Variants in FANCF observed in about 807,000 individuals in gnomAD.
The protein encoded by FANCF is FA complementation group F, also known as Fanconi anemia group F protein.
For missense variants in FANCF, 552 were observed against 481.8 expected, an observed-to-expected ratio of 1.15 and a Z score of -1.36; for synonymous variants, 257 against 205.9, an observed-to-expected ratio of 1.25 and a Z score of -2.13.
Position 22,623,523 on chromosome 11 carries a change from AC to A in FANCF, c.*1162del, listed in dbSNP as rs1262418464. ...TAAACTAACACAACTAGGTTCCTAC[AC>A]ACAAAACAAATATTCTAAACTGTTT... is the stretch of plus-strand genomic sequence containing the variant. On this transcript the variant is annotated 3_prime_UTR_variant, in exon 1 of 1. Transcript: ENST00000327470. 1 of 196,934 alleles carries A rather than the reference AC, an allele frequency of 5.1e-6. No individual in the cohort carries two copies. The highest frequency in any genetic ancestry group is 1.1e-5 in the Non-Finnish European group (1 of 94,988). 12.2% of individuals were successfully genotyped at this position (196,934 alleles called of 1,614,324 possible). A position where few individuals can be genotyped will look rare whatever the true frequency, so the allele number is the denominator to read the frequency against.
At position 22,623,205 on chromosome 11, in the gene FANCF, A is replaced by T. The variant is rs1324337723; in HGVS notation, c.*1481T>A. ...AAGATTTATCTAGAAAAGTGTACTG[A>T]CTACTGGAATAATAGTTTACCCCTG... On this transcript the variant is annotated 3_prime_UTR_variant, in exon 1 of 1. Transcript: ENST00000327470. 4.7e-6 allele frequency: 1 copy of T among 213,846 alleles called. No individual in the cohort carries two copies. 13.2% of individuals were successfully genotyped at this position (213,846 alleles called of 1,614,324 possible). A position where few individuals can be genotyped will look rare whatever the true frequency, so the allele number is the denominator to read the frequency against.
At position 22,624,677 on chromosome 11, in the gene FANCF, C is replaced by T. The variant is rs763112358; in HGVS notation, c.*9G>A. 1.1e-5 allele frequency: 17 copies of T among 1,612,758 alleles called. No homozygotes were observed. The African/African-American group carries it at 1.9e-4, about 18-fold the overall frequency. Reference sequence around the variant, plus strand: ...TATATTCTATATTCAAGTAATAACACAGCATTGCCTATACAGAACTGAGGC... The same window carrying T: ...TATATTCTATATTCAAGTAATAACATAGCATTGCCTATACAGAACTGAGGC... On this transcript the variant is annotated 3_prime_UTR_variant, in exon 1 of 1. Transcript: ENST00000327470.
chr11:22,622,716 C>T lies in FANCF; in HGVS notation c.*1970G>A. 5.2e-6 allele frequency: 1 copy of T among 192,486 alleles called. No individual in the cohort carries two copies. Among genetic ancestry groups the T allele is most frequent in the African/African-American group, 2.3e-5 (1 of 43,240 alleles). The allele number at this position is 192,486 out of a possible 1,614,324, so 11.9% of individuals were successfully genotyped here. ...AAATGACAGATACGGCTTCCACTTT[C>T]ATGTTGCTTTTGTTTATACCCTTGG... On this transcript the variant is annotated 3_prime_UTR_variant, in exon 1 of 1. Coordinates refer to ENST00000327470, the MANE Select transcript of FANCF (RefSeq NM_022725.4).
Position 22,622,862 on chromosome 11 carries a change from T to C in FANCF, c.*1824A>G, listed in dbSNP as rs1280983307. 5.2e-6 allele frequency: 1 copy of C among 191,532 alleles called. No individual in the cohort carries two copies. Among genetic ancestry groups the C allele is most frequent in the African/African-American group, 2.3e-5 (1 of 43,088 alleles). 11.9% of individuals were successfully genotyped at this position (191,532 alleles called of 1,614,324 possible). A position where few individuals can be genotyped will look rare whatever the true frequency, so the allele number is the denominator to read the frequency against. The stretch of plus-strand genomic sequence containing the variant: ...AAATAACAGAATAATAAATGGTAAG[T>C]ATAAAATAGATTTTAAAATGTTATT... On this transcript the variant is annotated 3_prime_UTR_variant, in exon 1 of 1. Coordinates refer to ENST00000327470, the MANE Select transcript of FANCF (RefSeq NM_022725.4).
In FANCF at chr11:22,624,861, G is replaced by C. The variant is rs1173627967; in HGVS notation, c.950C>G (p.Ala317Gly). 6.2e-7 allele frequency: 1 copy of C among 1,614,116 alleles called. No homozygotes were observed. Among genetic ancestry groups the C allele is most frequent in the African/African-American group, 1.3e-5 (1 of 75,022 alleles). Residue 317 changes from alanine to glycine, a missense_variant, in exon 1 of 1, where the codon GCC becomes GGC. Transcript: ENST00000327470. ...AACTTTATCTTTCAGAGGTGGAGGG[G>C]CCTGACAGAGGCTTTGAAACCTATT... ...LHNRFQSLCQ[A>G]PPPLKDKVLT...
rs760571335 is a variant in FANCF, at chr11:22,625,510, G to A, written c.301C>T (p.Arg101Trp). The A allele has an allele frequency of 6.2e-7, 1 of 1,614,194 alleles. No homozygotes were observed. The highest frequency in any genetic ancestry group is 8.5e-7 in the Non-Finnish European group (1 of 1,180,032). Residue 101 changes from arginine to tryptophan, a missense_variant, in exon 1 of 1, where the codon CGG becomes TGG. Arg to Trp is a moderately radical substitution (Grantham distance 101). Coordinates refer to ENST00000327470, the MANE Select transcript of FANCF (RefSeq NM_022725.4). Reference protein sequence around the residue: ...VLLSLRLLENRALGDAARYHL... With the variant: ...VLLSLRLLENWALGDAARYHL... ...TAACGAGCTGCATCCCCGAGGGCCC[G>A]GTTCTCCAGCAGGCGCAGAGAGAGC... is the stretch of plus-strand genomic sequence containing the variant.
chr11:22,625,151 T>C lies in FANCF; in HGVS notation c.660A>G (p.Glu220=), dbSNP rs1228356098. 12 of 1,608,084 alleles carry C rather than the reference T, an allele frequency of 7.5e-6. No individual in the cohort carries two copies. Among genetic ancestry groups the C allele is most frequent in the Non-Finnish European group, 1.0e-5 (12 of 1,176,584 alleles). Reference sequence around the variant, plus strand: ...ATTTGTGGATGCCGGGTTCCAACTCTTCTTGGGGCCGACGAGACAAAGGCG... The same window carrying C: ...ATTTGTGGATGCCGGGTTCCAACTCCTCTTGGGGCCGACGAGACAAAGGCG... ...LQPPLSRRPQ[E]ELEPGIHKSP... Residue 220 remains glutamate (E), a synonymous_variant, in exon 1 of 1, where the codon GAA becomes GAG. Coordinates refer to ENST00000327470, the MANE Select transcript of FANCF (RefSeq NM_022725.4).
chr11:22,622,771 C>A lies in FANCF; in HGVS notation c.*1915G>T. 5.2e-6 allele frequency: 1 copy of A among 191,822 alleles called. No homozygotes were observed. Among genetic ancestry groups the A allele is most frequent in the Non-Finnish European group, 1.1e-5 (1 of 91,822 alleles). The allele number at this position is 191,822 out of a possible 1,614,324, so 11.9% of individuals were successfully genotyped here. On this transcript the variant is annotated 3_prime_UTR_variant, in exon 1 of 1. Transcript: ENST00000327470. ...TTTACTTAATCTTTTAGCGTATATTCATAAGAATACAGTTTTGGTGTGAAG... is the reference window on the plus strand; with the variant it reads ...TTTACTTAATCTTTTAGCGTATATTAATAAGAATACAGTTTTGGTGTGAAG...
Position 22,623,399 on chromosome 11 carries a change from A to G in FANCF, c.*1287T>C, listed in dbSNP as rs1208540655. On this transcript the variant is annotated 3_prime_UTR_variant, in exon 1 of 1. Transcript: ENST00000327470. ...CCAGCTAACCTGGATATGGACAAAA[A>G]TATCTTGATTGCTGTAAAGGTCTAT... 5.0e-6 allele frequency: 1 copy of G among 201,702 alleles called. No homozygotes were observed. Among genetic ancestry groups the G allele is most frequent in the Non-Finnish European group, 1.0e-5 (1 of 98,138 alleles). The allele number at this position is 201,702 out of a possible 1,614,324, so 12.5% of individuals were successfully genotyped here.
rs1486533555 is a variant in FANCF, at chr11:22,624,462, C to T, written c.*224G>A. On this transcript the variant is annotated 3_prime_UTR_variant, in exon 1 of 1. Coordinates refer to ENST00000327470, the MANE Select transcript of FANCF (RefSeq NM_022725.4). ...ATTAAAAAGCAAACTATTGCTAATT[C>T]CATGGCTTTAAGTGGAGTACTTCCA... 2 of 568,936 alleles carry T rather than the reference C, an allele frequency of 3.5e-6. No individual in the cohort carries two copies. The highest frequency in any genetic ancestry group is 6.2e-6 in the Non-Finnish European group (2 of 321,038). 35.2% of individuals were successfully genotyped at this position (568,936 alleles called of 1,614,324 possible).
Position 22,622,767 on chromosome 11 carries a change from T to C in FANCF, c.*1919A>G. 1 of 192,476 alleles carries C rather than the reference T, an allele frequency of 5.2e-6. No homozygotes were observed. The highest frequency in any genetic ancestry group is 1.1e-5 in the Non-Finnish European group (1 of 92,106). 11.9% of individuals were successfully genotyped at this position (192,476 alleles called of 1,614,324 possible). On this transcript the variant is annotated 3_prime_UTR_variant, in exon 1 of 1. Transcript: ENST00000327470. ...GCATTTTACTTAATCTTTTAGCGTA[T>C]ATTCATAAGAATACAGTTTTGGTGT...
chr11:22,623,348 T>C lies in FANCF; in HGVS notation c.*1338A>G, dbSNP rs1032047454. 73 of 51,750 alleles carry C rather than the reference T, an allele frequency of 1.4e-3. No individual in the cohort carries two copies. In the African/African-American group the frequency reaches 0.024, roughly 17 times the overall value. 3.2% of individuals were successfully genotyped at this position (51,750 alleles called of 1,614,324 possible). A position where few individuals can be genotyped will look rare whatever the true frequency, so the allele number is the denominator to read the frequency against. On this transcript the variant is annotated 3_prime_UTR_variant, in exon 1 of 1. Coordinates refer to ENST00000327470, the MANE Select transcript of FANCF (RefSeq NM_022725.4). Reference sequence around the variant, plus strand: ...TTAGAAATTAACTTTCTAAATATCATTTTTTTCTCCAAAAAAATCCTCTTA... The same window carrying C: ...TTAGAAATTAACTTTCTAAATATCACTTTTTTCTCCAAAAAAATCCTCTTA...
In FANCF at chr11:22,622,746, T is replaced by G. The variant is rs1375740563; in HGVS notation, c.*1940A>C. On this transcript the variant is annotated 3_prime_UTR_variant, in exon 1 of 1. Coordinates refer to ENST00000327470, the MANE Select transcript of FANCF (RefSeq NM_022725.4). The stretch of plus-strand genomic sequence containing the variant: ...TGCTTTTGTTTATACCCTTGGGCAT[T>G]TTACTTAATCTTTTAGCGTATATTC... The G allele has an allele frequency of 5.2e-6, 1 of 192,874 alleles. No individual in the cohort carries two copies. Among genetic ancestry groups the G allele is most frequent in the Non-Finnish European group, 1.1e-5 (1 of 92,458 alleles). The allele number at this position is 192,874 out of a possible 1,614,324, so 11.9% of individuals were successfully genotyped here. A position where few individuals can be genotyped will look rare whatever the true frequency, so the allele number is the denominator to read the frequency against.
In FANCF at chr11:22,623,691, C is replaced by T. The variant is rs1417868811; in HGVS notation, c.*995G>A. ...GCAGAAGCTGCACTAAAACCTGGAT[C>T]TTCTACTTAAAATGTTGTTTTGGCC... On this transcript the variant is annotated 3_prime_UTR_variant, in exon 1 of 1. Coordinates refer to ENST00000327470, the MANE Select transcript of FANCF (RefSeq NM_022725.4). 1 of 185,616 alleles carries T rather than the reference C, an allele frequency of 5.4e-6. No homozygotes were observed. Among genetic ancestry groups the T allele is most frequent in the African/African-American group, 2.3e-5 (1 of 42,684 alleles). 11.5% of individuals were successfully genotyped at this position (185,616 alleles called of 1,614,324 possible).
rs1347164607 is a variant in FANCF, at chr11:22,622,884, T to A, written c.*1802A>T. 5.2e-6 allele frequency: 1 copy of A among 192,970 alleles called. No individual in the cohort carries two copies. Among genetic ancestry groups the A allele is most frequent in the Non-Finnish European group, 1.1e-5 (1 of 92,550 alleles). The allele number at this position is 192,970 out of a possible 1,614,324, so 12.0% of individuals were successfully genotyped here. A position where few individuals can be genotyped will look rare whatever the true frequency, so the allele number is the denominator to read the frequency against. ...AAGTATAAAATAGATTTTAAAATGT[T>A]ATTTCTTAAGTCTATTGTCAATCTT... On this transcript the variant is annotated 3_prime_UTR_variant, in exon 1 of 1. Coordinates refer to ENST00000327470, the MANE Select transcript of FANCF (RefSeq NM_022725.4).
Position 22,625,609 on chromosome 11 carries a change from G to C in FANCF, c.202C>G (p.Gln68Glu), listed in dbSNP as rs762741561. The change falls in exon 1 of 1, where the codon CAA becomes GAA. Residue 68 changes from glutamine to glutamate, a missense_variant. By Grantham distance (29) the Gln-to-Glu change is conservative (BLOSUM62 2). Coordinates refer to ENST00000327470, the MANE Select transcript of FANCF (RefSeq NM_022725.4). ...GGACCCCGCCCAAAGCCGCCCTCTT[G>C]CCTCCACTGGTTGTGCAGCCGCCGC... The part of the protein sequence containing the change: ...LERRLHNQWR[Q>E]EGGFGRGPVP... The C allele has an allele frequency of 6.2e-7, 1 of 1,613,726 alleles. No individual in the cohort carries two copies. Among genetic ancestry groups the C allele is most frequent in the Non-Finnish European group, 8.5e-7 (1 of 1,179,962 alleles).
At position 22,624,500 on chromosome 11, in the gene FANCF, A is replaced by C. The variant is rs45473997; in HGVS notation, c.*186T>G. Reference sequence around the variant, plus strand: ...TGGAGTACTTCCAATCACTTCCTCTATCCAGAAAATCCGTGACACTACATG... The same window carrying C: ...TGGAGTACTTCCAATCACTTCCTCTCTCCAGAAAATCCGTGACACTACATG... On this transcript the variant is annotated 3_prime_UTR_variant, in exon 1 of 1. Coordinates refer to ENST00000327470, the MANE Select transcript of FANCF (RefSeq NM_022725.4). The C allele has an allele frequency of 3.3e-3, 2,079 of 624,316 alleles. 42 individuals carry two copies. In the African/African-American group the frequency reaches 0.034, roughly 10 times the overall value. The allele number at this position is 624,316 out of a possible 1,614,324, so 38.7% of individuals were successfully genotyped here. A position where few individuals can be genotyped will look rare whatever the true frequency, so the allele number is the denominator to read the frequency against.
chr11:22,623,019 A>G lies in FANCF; in HGVS notation c.*1667T>C, dbSNP rs1208988223. 4.9e-6 allele frequency: 1 copy of G among 205,084 alleles called. No homozygotes were observed. Among genetic ancestry groups the G allele is most frequent in the Non-Finnish European group, 1.0e-5 (1 of 100,208 alleles). The allele number at this position is 205,084 out of a possible 1,614,324, so 12.7% of individuals were successfully genotyped here. On this transcript the variant is annotated 3_prime_UTR_variant, in exon 1 of 1. Coordinates refer to ENST00000327470, the MANE Select transcript of FANCF (RefSeq NM_022725.4). ...AGCTAACATTAGGCCTTGCTATGGT[A>G]GAACTCTTCACTGGGTTGTTTCTTA...
Position 22,625,024 on chromosome 11 carries a change from C to G in FANCF, c.787G>C (p.Val263Leu), listed in dbSNP as rs1437367744. ...GACAGCGCTGGGTGGCGGCTAGTCA[C>G]TAAAGTCAAAAGCCCGGCTGGGAGG... ...RALPAGLLTLVTSRHPALSPV... is the reference protein window; with the variant it reads ...RALPAGLLTLLTSRHPALSPV... The change falls in exon 1 of 1, where the codon GTG becomes CTG. Residue 263 changes from valine (V) to leucine (L), a missense_variant. Physicochemically the swap from Val to Leu is conservative, Grantham distance 32. Transcript: ENST00000327470. The G allele has an allele frequency of 6.2e-7, 1 of 1,614,188 alleles. No homozygotes were observed. The highest frequency in any genetic ancestry group is 1.3e-5 in the African/African-American group (1 of 75,034).
Sources: gnomAD v4.1 joint callset for allele counts on GRCh38, gnomAD v4.1.1 for gene constraint, MANE v1.5 for transcripts, NCBI Gene and HGNC (gene_info 2026-07-23, HGNC 2026-07-21) for gene names.